The following CRLF2 variants were observed in gnomAD, a reference collection of about 807,000 sequenced individuals.
CRLF2 encodes cytokine receptor-like factor 2.
CRLF2 carries 41 observed loss-of-function variants against 38.7 expected under a neutral mutation model. That is an observed-to-expected ratio of 1.06 (90% confidence interval 0.83 to 1.37). CRLF2 has a LOEUF of 1.37. Among genes scored for constraint, CRLF2 ranks in the 40% most tolerant of loss-of-function variants. CRLF2 has a pLI of 0.00. For missense variants in CRLF2, 377 were observed against 322.2 expected, an observed-to-expected ratio of 1.17 and a Z score of -1.30; for synonymous variants, 140 against 128.8, an observed-to-expected ratio of 1.09 and a Z score of -0.59.
chrX:1,198,155 CG>C (rs2086526028), intron 5 of CRLF2, among the ~76,000 whole-genome samples: 1 of 76,836 alleles, frequency 1.3e-5, no homozygotes, highest in Non-Finnish European at 2.9e-5. Context: ...CCTCCCACCT[CG>C]AAGGCAGGAC....
At position 1,206,521 on chromosome X, in the gene CRLF2, G is replaced by C; in HGVS notation, c.261C>G (p.Asp87Glu). Residue 87 changes from aspartate to glutamate, a missense_variant, in exon 3 of 8, where the codon GAC becomes GAG. Transcript: ENST00000400841. ...QEGHTSGCLL[D>E]AEQRDDILYF... ...AGAGAATGTCGTCTCGCTGCTCTGC[G>C]TCTAGGAGGCACCCCGAAGTGTGAC... 6.2e-7 allele frequency: 1 copy of C among 1,613,564 alleles called. No homozygotes were observed. Among genetic ancestry groups the C allele is most frequent in the South Asian group, 1.1e-5 (1 of 91,054 alleles).
rs1208514685 is a variant in CRLF2 at position 1,206,626 on chromosome X, G to A, written c.183-27C>T. The A allele has an allele frequency of 3.1e-6, 5 of 1,604,410 alleles. No homozygotes were observed. In the Admixed American group the frequency reaches 6.8e-5, roughly 22 times the overall value. On this transcript the variant is annotated intron_variant, in intron 2 of 7. Transcript: ENST00000400841. Reference sequence around the variant, plus strand: ...TGTGGTTTAAAACGATGACCATTCAGCAACAAAACAAAAAAGCATGTCTTA... The same window carrying A: ...TGTGGTTTAAAACGATGACCATTCAACAACAAAACAAAAAAGCATGTCTTA...
intron 6 of CRLF2, among the ~76,000 whole-genome samples, chrX:1,194,967 G>A (rs1416517226): frequency 3.9e-5 from 6 of 152,120 alleles, no homozygotes; most frequent in African/African-American, 1.4e-4. Flanking sequence ...GGGAGGCGGA[G>A]GTGGCAGTGA....
chrX:1,210,131 G>GAAAAGAA lies in CRLF2; in HGVS notation c.80-1230_80-1224dup, dbSNP rs1556425644. 4.8e-4 allele frequency among the ~76,000 whole-genome samples: 38 copies of GAAAAGAA among 79,562 alleles called. 1 individual carries two copies. Among genetic ancestry groups the GAAAAGAA allele is most frequent in the Non-Finnish European group, 9.5e-4 (31 of 32,494 alleles). The allele number at this position is 79,562 out of a possible 152,430, so 52.2% of individuals were successfully genotyped here. A position where few individuals can be genotyped will look rare whatever the true frequency, so the allele number is the denominator to read the frequency against. On this transcript the variant is annotated intron_variant, in intron 1 of 7. Coordinates refer to ENST00000400841, the MANE Select transcript of CRLF2 (RefSeq NM_022148.4). The stretch of plus-strand genomic sequence containing the variant: ...AAAAAAAAAAGAAAAGAAAAGAAAA[G>GAAAAGAA]AAAAGAAAAGAAAAGAAATGGGCCA...
At chrX:1,211,995 C>G (rs62635781) in intron 1 of CRLF2, among the ~76,000 whole-genome samples, 1 of 150,908 alleles carries the variant, frequency 6.6e-6, no homozygotes, top group Admixed American at 6.6e-5. Flanking sequence ...TAGATAACAG[C>G]TGGGTGGATG....
chrX:1,210,120 AG>A lies in CRLF2; in HGVS notation c.80-1213del, dbSNP rs1569473681. ...CTCCCTATCAAAAAAAAAAAAGAAA[AG>A]AAAAGAAAAGAAAAGAAAAGAAAAG... is the stretch of plus-strand genomic sequence containing the variant. On this transcript the variant is annotated intron_variant, in intron 1 of 7. Transcript: ENST00000400841. 4.4e-3 allele frequency among the ~76,000 whole-genome samples: 261 copies of A among 58,836 alleles called. 14 individuals are homozygous for A. Among genetic ancestry groups the A allele is most frequent in the African/African-American group, 8.2e-3 (104 of 12,694 alleles). 38.6% of individuals were successfully genotyped at this position (58,836 alleles called of 152,430 possible). A position where few individuals can be genotyped will look rare whatever the true frequency, so the allele number is the denominator to read the frequency against.
chrX:1,198,934 A>G, intron 4 of CRLF2: 1 of 599,534 alleles, frequency 1.7e-6, no homozygotes. Flanking sequence ...GGATCACCTG[A>G]GGTCGCAAGT....
intron 6 of CRLF2, among the ~76,000 whole-genome samples, chrX:1,195,794 AT>A (rs2086462982): frequency 9.5e-6 from 1 of 105,442 alleles, no homozygotes; most frequent in Non-Finnish European, 1.8e-5. Flanking sequence ...TTTTATATAT[AT>A]TTATATATTA....
chrX:1,200,989 C>T (rs2086595538), intron 4 of CRLF2, among the ~76,000 whole-genome samples: 1 of 151,988 alleles, frequency 6.6e-6, no homozygotes, highest in Non-Finnish European at 1.5e-5. Context: ...TACTTACACA[C>T]ACCTAGCTGG....
At position 1,208,870 on chromosome X, in the gene CRLF2, C is replaced by A; in HGVS notation, c.118G>T (p.Glu40Ter). The A allele has an allele frequency of 6.2e-7, 1 of 1,612,384 alleles. No individual in the cohort carries two copies. The highest frequency in any genetic ancestry group is 8.5e-7 in the Non-Finnish European group (1 of 1,178,440). ...GCATTCCATGTCACCTGCACGGTTTCTAAATTGAAGTAGATGATCTGAATC... is the reference window on the plus strand; with the variant it reads ...GCATTCCATGTCACCTGCACGGTTTATAAATTGAAGTAGATGATCTGAATC... Reference protein sequence around the residue: ...VQIQIIYFNLETVQVTWNASK... With the variant: ...VQIQIIYFNL The change falls in exon 2 of 8, where the codon GAA becomes TAA. Residue 40 changes from glutamate (E) to a stop codon, truncating the protein, a stop_gained. Coordinates refer to ENST00000400841, the MANE Select transcript of CRLF2 (RefSeq NM_022148.4). LOFTEE classifies it high-confidence loss of function.
intron 2 of CRLF2, among the ~76,000 whole-genome samples, chrX:1,208,525 C>G (rs2086731445): frequency 6.6e-6 from 1 of 152,096 alleles, no homozygotes; most frequent in South Asian, 2.1e-4. Flanking sequence ...CGCCACTGCA[C>G]TCCAGCGTGG....
At chrX:1,198,071 C>A (rs1385253184) in intron 5 of CRLF2, among the ~76,000 whole-genome samples, 1 of 152,124 alleles carries the variant, frequency 6.6e-6, no homozygotes, top group East Asian at 1.9e-4. Context: ...GAATTACTTT[C>A]AGATGGGGCC....
intron 6 of CRLF2, among the ~76,000 whole-genome samples, chrX:1,195,821 A>ATATTATG (rs1378865306): frequency 7.1e-6 from 1 of 140,392 alleles, no homozygotes; most frequent in Non-Finnish European, 1.5e-5. Context: ...TAAATTATAT[A>ATATTATG]TATTATATAT....
chrX:1,205,535 A>G (rs1303908423), intron 3 of CRLF2, among the ~76,000 whole-genome samples: 1 of 151,842 alleles, frequency 6.6e-6, no homozygotes, highest in African/African-American at 2.4e-5. Context: ...CTTGCTTTTC[A>G]GTACTTATGG....
chrX:1,193,346 G>A (rs1364898235), intron 6 of CRLF2, 44 bp from the exon 7 acceptor site: 11 of 398,366 alleles, frequency 2.8e-5, no homozygotes, highest in South Asian at 1.3e-4. Context: ...CCACAGCCCC[G>A]CAGGAAGGGT....
At chrX:1,201,213 C>T (rs1176834688) in intron 4 of CRLF2, among the ~76,000 whole-genome samples, 6 of 151,970 alleles carry the variant, frequency 3.9e-5, no homozygotes, top group East Asian at 1.9e-4. Flanking sequence ...AGGAGACTAC[C>T]GTGGTACATG....
intron 1 of CRLF2, among the ~76,000 whole-genome samples, chrX:1,209,803 C>A (rs1292987913): frequency 6.6e-6 from 1 of 151,954 alleles, no homozygotes; most frequent in African/African-American, 2.4e-5. Context: ...ACCACACACA[C>A]CAACTTCAGA....
intron 7 of CRLF2, among the ~76,000 whole-genome samples, chrX:1,192,879 TCTCAG>T (rs2086418595): frequency 6.7e-6 from 1 of 149,906 alleles, no homozygotes; most frequent in Non-Finnish European, 1.5e-5. Context: ...AGTGGTACAA[TCTCAG>T]CTCACTGCAA....
At chrX:1,198,283 G>A (rs2086531793) in intron 5 of CRLF2, among the ~76,000 whole-genome samples, 1 of 142,930 alleles carries the variant, frequency 7.0e-6, no homozygotes. Flanking sequence ...CTCCCAGGAA[G>A]GCAGGACACC....
Sources: allele counts gnomAD v4.1 joint callset (sites outside exome capture counted in the v4.1 genomes callset), GRCh38; gene constraint gnomAD v4.1.1; transcripts MANE v1.5; gene names NCBI Gene and HGNC (gene_info 2026-07-23, HGNC 2026-07-21).